Variants in SETBP1 observed in about 807,000 individuals in gnomAD.
SETBP1 encodes the protein SET binding protein 1.
In SETBP1, 9 loss-of-function variants were observed where a neutral mutation model predicts 101.0. The observed-to-expected ratio is 0.09, with a 90% CI of 0.05 to 0.16. SETBP1 has a LOEUF of 0.16. Among genes scored for constraint, SETBP1 ranks in the 10% least tolerant of loss-of-function variants. The pLI, the probability that SETBP1 is intolerant of heterozygous loss-of-function variation, is 1.00. For synonymous variants in SETBP1, 818 were observed against 788.5 expected (o/e 1.04, Z -0.63); for missense variants, 1,858 against 2,033.8 (o/e 0.91, Z 1.66).
Position 44,905,487 on chromosome 18 carries a change from G to C in SETBP1, c.540+36204G>C, listed in dbSNP as rs371248580. 2.4e-4 allele frequency among the ~76,000 whole-genome samples: 36 copies of C among 152,216 alleles called. No individual in the cohort carries two copies. In the South Asian group the frequency reaches 7.3e-3, roughly 31 times the overall value. On this transcript the variant is annotated intron_variant, in intron 3 of 5. Transcript: ENST00000649279. ...TCTTAGATACTCAGTAACTATGTCT[G>C]GATGGAATTAATTAGTAAATTAATT...
At chr18:44,709,461 T>A (rs898445918) in intron 2 of SETBP1, among the ~76,000 whole-genome samples, 1 of 152,190 alleles carries the variant, frequency 6.6e-6, no homozygotes, top group Non-Finnish European at 1.5e-5. Context: ...GCCTGCATAA[T>A]CTTAGGCAAG....
intron 4 of SETBP1, among the ~76,000 whole-genome samples, chr18:45,009,944 A>T (rs192335440): frequency 6.6e-6 from 1 of 152,008 alleles, no homozygotes; most frequent in African/African-American, 2.4e-5. Flanking sequence ...CTTTCCTCTG[A>T]TCGGTTGTGG....
intron 5 of SETBP1, among the ~76,000 whole-genome samples, chr18:45,051,382 G>C (rs1363876658): frequency 6.6e-6 from 1 of 151,966 alleles, no homozygotes; most frequent in African/African-American, 2.4e-5. Context: ...CTCAGAATGT[G>C]AATGTATATA....
intron 2 of SETBP1, among the ~76,000 whole-genome samples, chr18:44,738,793 A>G (rs974171629): frequency 3.4e-5 from 5 of 148,978 alleles, no homozygotes; most frequent in Admixed American, 2.0e-4. Flanking sequence ...AAAAAAAAAG[A>G]AAAAAGGAAG....
chr18:44,685,380 G>A (rs2068819969), intron 1 of SETBP1, among the ~76,000 whole-genome samples: 1 of 152,202 alleles, frequency 6.6e-6, no homozygotes, highest in African/African-American at 2.4e-5. Flanking sequence ...CTCCTAAGGA[G>A]GAAGGCCAGA....
At chr18:44,997,552 A>G (rs1201215546) in intron 4 of SETBP1, among the ~76,000 whole-genome samples, 1 of 152,208 alleles carries the variant, frequency 6.6e-6, no homozygotes, top group Non-Finnish European at 1.5e-5. Flanking sequence ...TGAGATCTAA[A>G]GATCGAGGTT....
In SETBP1 at chr18:44,750,243, A is replaced by G; in HGVS notation, c.486+48411A>G. Among the ~76,000 whole-genome samples the G allele has an allele frequency of 3.3e-5, 5 of 152,330 alleles. 1 individual carries two copies. In the Middle Eastern group the frequency reaches 0.014, roughly 415 times the overall value. The stretch of plus-strand genomic sequence containing the variant: ...CAGTTCTGGAGGTTGGGAAGTCTAC[A>G]TTCAAGGTGGCAGTAGATAGATTCA... On this transcript the variant is annotated intron_variant, in intron 2 of 5. Coordinates refer to ENST00000649279, the MANE Select transcript of SETBP1 (RefSeq NM_015559.3).
intron 2 of SETBP1, among the ~76,000 whole-genome samples, chr18:44,750,429 C>T (rs2070356468): frequency 6.6e-6 from 1 of 152,188 alleles, no homozygotes; most frequent in Admixed American, 6.5e-5. Context: ...CACCCAGTTA[C>T]CTCCCAAAGG....
intron 1 of SETBP1, among the ~76,000 whole-genome samples, chr18:44,683,041 A>G (rs1452995487): frequency 1.3e-5 from 2 of 152,176 alleles, no homozygotes; most frequent in African/African-American, 2.4e-5. Context: ...AGTGAACATA[A>G]GGTGGAGTGT....
In SETBP1 at chr18:44,951,882, C is replaced by T. The variant is rs772100848; in HGVS notation, c.2542C>T (p.Leu848=). The T allele has an allele frequency of 9.3e-6, 15 of 1,614,048 alleles. No individual in the cohort carries two copies. The highest frequency in any genetic ancestry group is 1.2e-5 in the Non-Finnish European group (14 of 1,180,034). ...SPSHLCEIGS[L]KEITLSPVSE... ...TTCACACCTGTGCGAGATTGGCTCC[C>T]TAAAGGAAATCACGCTGTCCCCTGT... The change falls in exon 4 of 6, where the codon CTA becomes TTA. Residue 848 remains leucine (L), a synonymous_variant. Transcript: ENST00000649279. This position sits in a 1 kb window ranked among gnomAD's most constrained non-coding sequence, Gnocchi z 7.8.
intron 2 of SETBP1, among the ~76,000 whole-genome samples, chr18:44,853,174 T>A (rs558046606): frequency 5.3e-5 from 8 of 152,326 alleles, no homozygotes; most frequent in Middle Eastern, 3.4e-3. Flanking sequence ...GAAGGCAAGT[T>A]GCCAACCTTA....
At chr18:44,773,632 A>G (rs962473032) in intron 2 of SETBP1, among the ~76,000 whole-genome samples, 1 of 152,172 alleles carries the variant, frequency 6.6e-6, no homozygotes, top group Non-Finnish European at 1.5e-5. Flanking sequence ...TTAAGTGTGT[A>G]TTCCCAACTG....
intron 3 of SETBP1, among the ~76,000 whole-genome samples, chr18:44,876,321 G>A (rs1226454958): frequency 6.6e-6 from 1 of 152,164 alleles, no homozygotes; most frequent in Non-Finnish European, 1.5e-5. Context: ...AAATCCTGCA[G>A]CTGCTGCTTC....
At chr18:44,767,574 A>G (rs1355812714) in intron 2 of SETBP1, among the ~76,000 whole-genome samples, 3 of 152,190 alleles carry the variant, frequency 2.0e-5, no homozygotes, top group African/African-American at 7.2e-5. Context: ...AAATACTTGT[A>G]AAAAAAGATT....
At chr18:44,839,554 T>C (rs929256183) in intron 2 of SETBP1, among the ~76,000 whole-genome samples, 1 of 152,200 alleles carries the variant, frequency 6.6e-6, no homozygotes, top group African/African-American at 2.4e-5. Flanking sequence ...CTCTTGGCAG[T>C]CCAGTTGTAT....
At chr18:44,751,779 A>G (rs963958375) in intron 2 of SETBP1, among the ~76,000 whole-genome samples, 1 of 152,242 alleles carries the variant, frequency 6.6e-6, no homozygotes, top group Non-Finnish European at 1.5e-5. Context: ...CTATAACAAT[A>G]TACCATAGAC....
In SETBP1 at chr18:45,063,172, C is replaced by T. The variant is rs781358912; in HGVS notation, c.4265C>T (p.Ser1422Phe). The change falls in exon 6 of 6, where the codon TCC becomes TTC. Residue 1422 changes from serine (S) to phenylalanine (F), a missense_variant. Transcript: ENST00000649279. ...RKMCNYTKILSTKKNLDHVNK... is the reference protein window; with the variant it reads ...RKMCNYTKILFTKKNLDHVNK... ...ATGTGCAACTACACCAAGATCCTGT[C>T]CACCAAGAAGAACCTGGACCACGTG... 8.1e-6 allele frequency: 13 copies of T among 1,614,008 alleles called. No homozygotes were observed. The highest frequency in any genetic ancestry group is 1.1e-5 in the Non-Finnish European group (13 of 1,180,000).
At chr18:45,005,162 G>A (rs953463336) in intron 4 of SETBP1, among the ~76,000 whole-genome samples, 3 of 152,152 alleles carry the variant, frequency 2.0e-5, no homozygotes, top group African/African-American at 7.2e-5. Context: ...ACAACCTCAT[G>A]TACTACATAG....
At chr18:44,779,166 G>A (rs1295967798) in intron 2 of SETBP1, among the ~76,000 whole-genome samples, 1 of 152,232 alleles carries the variant, frequency 6.6e-6, no homozygotes, top group Non-Finnish European at 1.5e-5. Context: ...GTTAGAGGAG[G>A]CTGGGTTTCC....
Sources: allele counts gnomAD v4.1 joint callset (sites outside exome capture counted in the v4.1 genomes callset), GRCh38; gene constraint gnomAD v4.1.1; non-coding constraint Gnocchi (gnomAD v3.1); transcripts MANE v1.5; gene names NCBI Gene and HGNC (gene_info 2026-07-23, HGNC 2026-07-21).